The following PIKFYVE variants were observed in gnomAD, a reference collection of about 807,000 sequenced individuals.
The protein encoded by PIKFYVE is 1-phosphatidylinositol 3-phosphate 5-kinase.
Under a neutral mutation model 257.9 loss-of-function variants are expected in PIKFYVE, and 122 were observed. The observed-to-expected ratio is 0.47, with a 90% CI of 0.41 to 0.55. The LOEUF is 0.55. Ranked by LOEUF, PIKFYVE falls within the 20% of genes least tolerant of loss-of-function variation. PIKFYVE has a pLI of 0.00. For synonymous variants in PIKFYVE, 892 were observed against 868.9 expected, an observed-to-expected ratio of 1.03 and a Z score of -0.47; for missense variants, 2,160 against 2,536.6, an observed-to-expected ratio of 0.85 and a Z score of 3.19.
chr2:208,329,804 G>C (rs773273512), intron 21 of PIKFYVE, 38 bp from the exon 22 acceptor site: 1 of 1,606,506 alleles, frequency 6.2e-7, no homozygotes, highest in Non-Finnish European at 8.5e-7. Flanking sequence ...CTGGGGCATG[G>C]TAATTCTTAT....
At chr2:208,348,270 A>C (rs1436990448) in intron 35 of PIKFYVE, among the ~76,000 whole-genome samples, 3 of 152,156 alleles carry the variant, frequency 2.0e-5, no homozygotes, top group Non-Finnish European at 4.4e-5. Context: ...TAACGTGTAA[A>C]GTGGCAAAAA....
At chr2:208,308,399 TA>T (rs59329195) in intron 12 of PIKFYVE, among the ~76,000 whole-genome samples, 11 of 145,632 alleles carry the variant, frequency 7.6e-5, no homozygotes, top group East Asian at 4.0e-4. Flanking sequence ...AGACTTTATC[TA>T]AAAAAAAAAA....
intron 10 of PIKFYVE, among the ~76,000 whole-genome samples, chr2:208,303,139 C>T (rs985523333): frequency 1.3e-5 from 2 of 151,740 alleles, no homozygotes; most frequent in Admixed American, 6.6e-5. Flanking sequence ...TGTTTTTTTA[C>T]TTTAGGGAAG....
At chr2:208,309,439 C>T (rs1454436746) in intron 12 of PIKFYVE, among the ~76,000 whole-genome samples, 1 of 152,122 alleles carries the variant, frequency 6.6e-6, no homozygotes, top group African/African-American at 2.4e-5. Flanking sequence ...CCCGCACTCC[C>T]TGGCACTCCC....
At chr2:208,338,230 C>T (rs1698352098) in intron 28 of PIKFYVE, among the ~76,000 whole-genome samples, 1 of 151,688 alleles carries the variant, frequency 6.6e-6, no homozygotes, top group Admixed American at 6.6e-5. Flanking sequence ...TTTAGAAAAT[C>T]GGTATGTTAC....
In PIKFYVE at chr2:208,350,184, G is replaced by C. The variant is rs186950674; in HGVS notation, c.5434+101G>C. ...AGCTTCATACTAAATAAATGTCCCA[G>C]TTCTTGAAATGAATATTAAGTCTTT... On this transcript the variant is annotated intron_variant, in intron 36 of 41. Coordinates refer to ENST00000264380, the MANE Select transcript of PIKFYVE (RefSeq NM_015040.4). The C allele has an allele frequency of 6.6e-6, 10 of 1,507,062 alleles. No homozygotes were observed. The East Asian group carries it at 2.4e-4, about 35-fold the overall frequency. 93.4% of individuals were successfully genotyped at this position (1,507,062 alleles called of 1,614,324 possible).
chr2:208,273,765 A>G (rs756197538), intron 3 of PIKFYVE, 32 bp downstream of exon 3: 5 of 1,612,144 alleles, frequency 3.1e-6, no homozygotes, highest in Admixed American at 1.7e-5. Context: ...ATTCCCTTCT[A>G]TATGCTAGAT....
intron 15 of PIKFYVE, 75 bp downstream of exon 15, chr2:208,315,448 A>C (rs977362572): frequency 4.5e-6 from 7 of 1,552,888 alleles, no homozygotes; most frequent in African/African-American, 4.1e-5. Flanking sequence ...TCTTAATGGT[A>C]ATCTGAAAAG....
chr2:208,336,855 A>C lies in PIKFYVE; in HGVS notation c.4538A>C (p.Gln1513Pro), dbSNP rs1313247963. 1 of 1,612,756 alleles carries C rather than the reference A, an allele frequency of 6.2e-7. No individual in the cohort carries two copies. The highest frequency in any genetic ancestry group is 8.5e-7 in the Non-Finnish European group (1 of 1,179,126). ...AWNNRLQDLFQQEKGRKRPSV... is the reference protein window; with the variant it reads ...AWNNRLQDLFPQEKGRKRPSV... ...GGCCACAGGTTGCAGGACCTTTTCCAACAGGAAAAGGGTAGAAAGAGACCT... is the reference window on the plus strand; with the variant it reads ...GGCCACAGGTTGCAGGACCTTTTCCCACAGGAAAAGGGTAGAAAGAGACCT... The change falls in exon 28 of 42, where the codon CAA (glutamine) becomes CCA (proline). Residue 1513 changes from glutamine (Q) to proline (P), a missense_variant. Gln to Pro is a moderately conservative substitution (Grantham distance 76, BLOSUM62 -1). Transcript: ENST00000264380.
At chr2:208,350,711 G>A in intron 36 of PIKFYVE, 60 bp from the exon 37 acceptor site, 1 of 1,575,738 alleles carries the variant, frequency 6.3e-7, no homozygotes, top group Non-Finnish European at 8.7e-7. Flanking sequence ...TGAGGGAGCG[G>A]AGGAGGAAAG....
chr2:208,345,225 A>G (rs1157566842), intron 33 of PIKFYVE, 31 bp downstream of exon 33: 1 of 1,512,526 alleles, frequency 6.6e-7, no homozygotes, highest in Admixed American at 1.7e-5. Flanking sequence ...AACTATTTTA[A>G]TTTAGTTATG....
chr2:208,305,180 T>G (rs1016411323), intron 12 of PIKFYVE, 167 bp downstream of exon 12: 113 of 1,513,110 alleles, frequency 7.5e-5, no homozygotes, highest in Non-Finnish European at 9.7e-5. Context: ...TCCCCATACC[T>G]TTTTTGGTTG....
In PIKFYVE at chr2:208,298,737, T is replaced by C. The variant is rs746906665; in HGVS notation, c.1008T>C (p.Tyr336=). 1.2e-6 allele frequency: 2 copies of C among 1,614,180 alleles called. No homozygotes were observed. Among genetic ancestry groups the C allele is most frequent in the South Asian group, 2.2e-5 (2 of 91,088 alleles). ...TCAGTCCCCAGGCTAACCGAACATA[T>C]GTTAGGACAGAGACCACTGAGGATG... is the stretch of plus-strand genomic sequence containing the variant. The part of the protein sequence containing the change: ...TSVSPQANRT[Y]VRTETTEDER... The change falls in exon 8 of 42, where the codon TAT becomes TAC. Residue 336 remains tyrosine, a synonymous_variant. Transcript: ENST00000264380.
At chr2:208,327,371 G>C (rs1296728285) in intron 20 of PIKFYVE, among the ~76,000 whole-genome samples, 1 of 152,104 alleles carries the variant, frequency 6.6e-6, no homozygotes, top group Non-Finnish European at 1.5e-5. Flanking sequence ...AAATAATTAA[G>C]TATGCTTATA....
Position 208,298,693 on chromosome 2 carries a change from C to T in PIKFYVE, c.964C>T (p.Pro322Ser), listed in dbSNP as rs138277830. ...SLDRSGSPMVPSYETSVSPQA... is the reference protein window; with the variant it reads ...SLDRSGSPMVSSYETSVSPQA... The stretch of plus-strand genomic sequence containing the variant: ...GGATAGATCTGGTTCTCCTATGGTA[C>T]CTTCATATGAGACATCTGTCAGTCC... The change falls in exon 8 of 42, where the codon CCT becomes TCT. Residue 322 changes from proline to serine, a missense_variant. Coordinates refer to ENST00000264380, the MANE Select transcript of PIKFYVE (RefSeq NM_015040.4). 270 of 1,613,650 alleles carry T rather than the reference C, an allele frequency of 1.7e-4. No individual in the cohort carries two copies. The highest frequency in any genetic ancestry group is 2.2e-4 in the Non-Finnish European group (261 of 1,179,714).
chr2:208,287,392 A>C (rs1388905826), intron 6 of PIKFYVE, among the ~76,000 whole-genome samples: 1 of 148,304 alleles, frequency 6.7e-6, no homozygotes, highest in Non-Finnish European at 1.5e-5. Flanking sequence ...TCCTGCCTCA[A>C]CCTCCTGAGT....
chr2:208,326,622 A>C (rs141413889), intron 20 of PIKFYVE, among the ~76,000 whole-genome samples, 193 bp downstream of exon 20: 2 of 152,172 alleles, frequency 1.3e-5, no homozygotes, highest in African/African-American at 4.8e-5. Flanking sequence ...GCAGAATTGT[A>C]ATGAAACTGG....
chr2:208,348,222 G>A (rs569026290), intron 35 of PIKFYVE, among the ~76,000 whole-genome samples, 199 bp downstream of exon 35: 244 of 152,302 alleles, frequency 1.6e-3, no homozygotes, highest in African/African-American at 5.5e-3. Context: ...CACTGCCATC[G>A]TGTACTGTGT....
intron 20 of PIKFYVE, among the ~76,000 whole-genome samples, chr2:208,326,718 A>G (rs1559134342): frequency 1.3e-5 from 2 of 152,166 alleles, no homozygotes; most frequent in African/African-American, 4.8e-5. Context: ...AATTTCTGAC[A>G]ACATGACTTG....
Sources: gnomAD v4.1 joint callset for allele counts (sites outside exome capture counted in the v4.1 genomes callset) on GRCh38, gnomAD v4.1.1 for gene constraint, MANE v1.5 for transcripts, NCBI Gene and HGNC (gene_info 2026-07-23, HGNC 2026-07-21) for gene names.